TCF7L2: variants seen among roughly 807,000 people sequenced by gnomAD.
The protein encoded by TCF7L2 is transcription factor 7-like 2.
A neutral mutation model predicts 77.9 loss-of-function variants in TCF7L2; 23 were observed. The ratio of observed to expected loss-of-function variants is 0.30; its 90% confidence interval spans 0.21 to 0.42. The LOEUF is 0.42. Among genes scored for constraint, TCF7L2 ranks in the 10% least tolerant of loss-of-function variants. TCF7L2 has a pLI of 1.00. For synonymous variants in TCF7L2, 413 were observed against 340.2 expected, an observed-to-expected ratio of 1.21 and a Z score of -2.36; for missense variants, 654 against 793.1, an observed-to-expected ratio of 0.82 and a Z score of 2.11.
At chr10:113,122,901 A>C (rs1010957902) in intron 5 of TCF7L2, among the ~76,000 whole-genome samples, 1 of 152,220 alleles carries the variant, frequency 6.6e-6, no homozygotes, top group Non-Finnish European at 1.5e-5. Flanking sequence ...TATTGAAAGA[A>C]GCATCAATTC....
intron 5 of TCF7L2, chr10:113,126,862 G>C (rs887948957): frequency 5.1e-6 from 5 of 986,974 alleles, no homozygotes; most frequent in Admixed American, 6.2e-5. Flanking sequence ...GAAGGACAGC[G>C]CCGCAACCCT....
chr10:113,143,225 C>A (rs565134785), intron 6 of TCF7L2, among the ~76,000 whole-genome samples: 1 of 152,272 alleles, frequency 6.6e-6, no homozygotes, highest in African/African-American at 2.4e-5. Flanking sequence ...GCCCCTGCGA[C>A]GCACGCGGTG....
At chr10:113,129,260 G>C in intron 5 of TCF7L2, 4 of 972,470 alleles carry the variant, frequency 4.1e-6, no homozygotes, top group Non-Finnish European at 4.9e-6. Flanking sequence ...TGAGGGATTT[G>C]ACAATCTTGC....
At chr10:113,100,827 G>A (rs1461935418) in intron 5 of TCF7L2, among the ~76,000 whole-genome samples, 2 of 152,232 alleles carry the variant, frequency 1.3e-5, no homozygotes, top group Non-Finnish European at 2.9e-5. Context: ...TGTAATCCCA[G>A]CATTTTGGGA....
intron 4 of TCF7L2, among the ~76,000 whole-genome samples, chr10:113,039,072 T>C (rs2051939529): frequency 6.6e-6 from 1 of 152,160 alleles, no homozygotes; most frequent in Non-Finnish European, 1.5e-5. Context: ...GTGTCTAAGT[T>C]CTGTTTGGTT....
chr10:113,096,209 C>CA (rs2135767382), intron 5 of TCF7L2, among the ~76,000 whole-genome samples: 1 of 151,564 alleles, frequency 6.6e-6, no homozygotes, highest in Non-Finnish European at 1.5e-5. Context: ...GCCTATCAGT[C>CA]AGCGTCTCTG....
intron 4 of TCF7L2, among the ~76,000 whole-genome samples, chr10:112,965,301 C>T (rs1352065095): frequency 6.6e-6 from 1 of 152,176 alleles, no homozygotes; most frequent in Non-Finnish European, 1.5e-5. Flanking sequence ...CTAAACAAAT[C>T]ATGGACTAAT....
intron 5 of TCF7L2, among the ~76,000 whole-genome samples, chr10:113,048,921 G>T (rs2053916194): frequency 6.6e-6 from 1 of 152,154 alleles, no homozygotes; most frequent in Non-Finnish European, 1.5e-5. Flanking sequence ...TGATTGTTTT[G>T]TTAATGGCTT....
rs2074031228 is a variant in TCF7L2 at position 113,166,151 on chromosome 10, T to C, written c.*179T>C. 1.9e-6 allele frequency: 1 copy of C among 536,608 alleles called. No individual in the cohort carries two copies. Among genetic ancestry groups the C allele is most frequent in the African/African-American group, 2.0e-5 (1 of 50,882 alleles). 33.2% of individuals were successfully genotyped at this position (536,608 alleles called of 1,614,324 possible). A position where few individuals can be genotyped will look rare whatever the true frequency, so the allele number is the denominator to read the frequency against. On this transcript the variant is annotated 3_prime_UTR_variant, in exon 14 of 14. Coordinates refer to ENST00000627217, the MANE Select transcript of TCF7L2 (RefSeq NM_001146274.2). ...ATATTTGACCCATTCTTATTTCAAT[T>C]TCTCCTTTTAAATATGTAGATGAGA...
Position 113,040,115 on chromosome 10 carries a change from G to A in TCF7L2, c.541G>A (p.Ala181Thr), listed in dbSNP as rs1305520561. 5.0e-6 allele frequency: 8 copies of A among 1,613,318 alleles called. No homozygotes were observed. Among genetic ancestry groups the A allele is most frequent in the African/African-American group, 1.3e-5 (1 of 74,852 alleles). ...CAAGGATGCCCGGTCCCCATCACCG[G>A]CACACATTGTCGTAAGTAACCTCCC... is the stretch of plus-strand genomic sequence containing the variant. The change falls in exon 5 of 14, where the codon GCA becomes ACA. Residue 181 changes from alanine to threonine, a missense_variant. Ala to Thr is a moderately conservative substitution (Grantham distance 58). Around this residue, in one of 6 missense-constraint regions of TCF7L2, gnomAD observed 179 missense variants for 270.6 expected, o/e 0.66. Coordinates refer to ENST00000627217, the MANE Select transcript of TCF7L2 (RefSeq NM_001146274.2).
intron 6 of TCF7L2, 125 bp downstream of exon 6, chr10:113,141,441 G>A: frequency 7.3e-7 from 1 of 1,372,124 alleles, no homozygotes; most frequent in East Asian, 2.5e-5. Flanking sequence ...GTGGTGGGGG[G>A]GCCCCTGTTG....
intron 5 of TCF7L2, among the ~76,000 whole-genome samples, chr10:113,086,137 G>A (rs1433915405): frequency 6.6e-6 from 1 of 152,140 alleles, no homozygotes. Context: ...TGAAACTCAC[G>A]AGGCCTTCAT....
intron 3 of TCF7L2, among the ~76,000 whole-genome samples, chr10:112,959,978 A>C (rs1251408119): frequency 9.1e-6 from 1 of 109,536 alleles, no homozygotes; most frequent in Non-Finnish European, 2.0e-5. Context: ...CTAGGAAATG[A>C]TCTGTTTTTT....
chr10:113,093,399 C>T (rs2060603435), intron 5 of TCF7L2, among the ~76,000 whole-genome samples: 1 of 152,178 alleles, frequency 6.6e-6, no homozygotes, highest in African/African-American at 2.4e-5. Context: ...AGCTGTGATA[C>T]CAACCATCTT....
chr10:112,992,518 G>C (rs1488875937), intron 4 of TCF7L2, among the ~76,000 whole-genome samples: 1 of 152,174 alleles, frequency 6.6e-6, no homozygotes, highest in African/African-American at 2.4e-5. Flanking sequence ...AAGGAGTGCA[G>C]CCTGCCCAGC....
intron 4 of TCF7L2, among the ~76,000 whole-genome samples, chr10:113,005,467 T>C (rs149817297): frequency 9.1e-4 from 139 of 152,300 alleles, no homozygotes; most frequent in African/African-American, 3.2e-3. Context: ...AGGTTCATTG[T>C]GGGTGTGACC....
intron 5 of TCF7L2, among the ~76,000 whole-genome samples, chr10:113,048,883 A>T (rs2053907548): frequency 6.6e-6 from 1 of 152,176 alleles, no homozygotes; most frequent in Non-Finnish European, 1.5e-5. Context: ...TTTAAGAATG[A>T]TGTTGTAGGC....
At chr10:112,975,794 A>G (rs186659393) in intron 4 of TCF7L2, among the ~76,000 whole-genome samples, 39 of 152,226 alleles carry the variant, frequency 2.6e-4, no homozygotes, top group Admixed American at 5.2e-4. Flanking sequence ...TAGGGTGTTT[A>G]TTTAGCACCA....
At chr10:113,061,390 G>T (rs2056419803) in intron 5 of TCF7L2, among the ~76,000 whole-genome samples, 1 of 152,216 alleles carries the variant, frequency 6.6e-6, no homozygotes, top group Non-Finnish European at 1.5e-5. Context: ...GTGCTCAGTA[G>T]ATAACGCGGC....
Sources: gnomAD v4.1 joint callset for allele counts (sites outside exome capture counted in the v4.1 genomes callset) on GRCh38, gnomAD v4.1.1 for gene constraint, gnomAD v4.1.1 regional missense constraint, MANE v1.5 for transcripts, NCBI Gene and HGNC (gene_info 2026-07-23, HGNC 2026-07-21) for gene names.